PHF14: variants seen among roughly 807,000 people sequenced by gnomAD.
PHF14 encodes PHD finger protein 14.
In PHF14, 55 loss-of-function variants were observed where a neutral mutation model predicts 117.9. That is an observed-to-expected ratio of 0.47 (90% CI 0.38 to 0.58). PHF14 has a LOEUF of 0.58. Among genes scored for constraint, PHF14 ranks in the 20% least tolerant of loss-of-function variants. The probability of loss-of-function intolerance (pLI) is 0.00; values close to 1 mark genes in which losing one functional copy is unlikely to be tolerated. For missense variants in PHF14, 978 were observed against 1,122.2 expected (o/e 0.87, Z 1.84); for synonymous variants, 409 against 368.6 (o/e 1.11, Z -1.26).
chr7:11,088,097 A>C (rs1297826113), intron 16 of PHF14, among the ~76,000 whole-genome samples: 1 of 152,152 alleles, frequency 6.6e-6, no homozygotes, highest in Non-Finnish European at 1.5e-5. Context: ...CGGATATCAA[A>C]ATCTGAAGAT....
intron 3 of PHF14, among the ~76,000 whole-genome samples, chr7:10,985,802 GC>G (rs1247982294): frequency 6.6e-6 from 1 of 151,606 alleles, no homozygotes; most frequent in East Asian, 1.9e-4. Flanking sequence ...ACAGGTGCAT[GC>G]CACCATGCCC....
chr7:10,992,390 C>T (rs981326397), intron 4 of PHF14, among the ~76,000 whole-genome samples: 6 of 150,850 alleles, frequency 4.0e-5, no homozygotes, highest in East Asian at 4.1e-4. Context: ...GGGCCGGGTG[C>T]AGTGGCTCAC....
In PHF14 at chr7:10,982,796, G is replaced by A; in HGVS notation, c.537G>A (p.Glu179=). The part of the protein sequence containing the change: ...TTTATEEQVS[E]PKKWNLRRNR... ...CCGCTACAGAGGAACAAGTCAGCGA[G>A]CCAAAAAAATGGAACCTTCGACGAA... Residue 179 remains glutamate, a synonymous_variant, in exon 3 of 18, where the codon GAG becomes GAA. Coordinates refer to ENST00000634607, the MANE Select transcript of PHF14 (RefSeq NM_001007157.2). The A allele has an allele frequency of 1.2e-6, 2 of 1,613,900 alleles. No homozygotes were observed. The highest frequency in any genetic ancestry group is 1.7e-6 in the Non-Finnish European group (2 of 1,179,862).
In PHF14 at chr7:11,152,580, C is replaced by T. The variant is rs192087156; in HGVS notation, c.2773-16836C>T. Among the ~76,000 whole-genome samples, 9 of 152,238 alleles carry T rather than the reference C, an allele frequency of 5.9e-5. No individual in the cohort carries two copies. The East Asian group carries it at 1.7e-3, about 29-fold the overall frequency. ...AGGAATTCATTCATATATCCAATAA[C>T]TATTCATAAGAACTATTCATTGAAA... On this transcript the variant is annotated intron_variant, in intron 17 of 17. Transcript: ENST00000634607.
At chr7:11,019,129 G>A (rs530073603) in intron 5 of PHF14, among the ~76,000 whole-genome samples, 4 of 152,110 alleles carry the variant, frequency 2.6e-5, no homozygotes, top group South Asian at 2.1e-4. Context: ...TGTTAAATTC[G>A]GTTTGCTGGT....
In PHF14 at chr7:11,122,352, TACACACACACAC is replaced by T. The variant is rs747467173; in HGVS notation, c.2772+10907_2772+10918del. On this transcript the variant is annotated intron_variant, in intron 17 of 17. Coordinates refer to ENST00000634607, the MANE Select transcript of PHF14 (RefSeq NM_001007157.2). ...CTTTTTATATATATATATATATATA[TACACACACACAC>T]ACACACACACACACACACACATACA... Among the ~76,000 whole-genome samples, 995 of 65,874 alleles carry T rather than the reference TACACACACACAC, an allele frequency of 0.015. 90 individuals are homozygous for T. The East Asian group carries it at 0.23, about 15-fold the overall frequency. The allele number at this position is 65,874 out of a possible 152,430, so 43.2% of individuals were successfully genotyped here. A position where few individuals can be genotyped will look rare whatever the true frequency, so the allele number is the denominator to read the frequency against.
At chr7:11,084,144 T>C (rs1475381007) in intron 16 of PHF14, among the ~76,000 whole-genome samples, 6 of 152,170 alleles carry the variant, frequency 3.9e-5, no homozygotes, top group Admixed American at 3.3e-4. Flanking sequence ...TTTACAACCA[T>C]TACTATTTGT....
chr7:10,982,638 A>C lies in PHF14; in HGVS notation c.379A>C (p.Lys127Gln). 3 of 1,549,066 alleles carry C rather than the reference A, an allele frequency of 1.9e-6. No homozygotes were observed. Among genetic ancestry groups the C allele is most frequent in the Non-Finnish European group, 2.6e-6 (3 of 1,143,342 alleles). The change falls in exon 3 of 18, where the codon AAA becomes CAA. Residue 127 changes from lysine to glutamine, a missense_variant. Coordinates refer to ENST00000634607, the MANE Select transcript of PHF14 (RefSeq NM_001007157.2). ...GAAGGAAAAAGAAAAGGAAAAGGAG[A>C]AAGAGAAGGAAAGAGAGAAGGAAAA... Reference protein sequence around the residue: ...KEKEKEKEKEKEKEREKEKEK... With the variant: ...KEKEKEKEKEQEKEREKEKEK...
chr7:11,019,077 A>G (rs1280573136), intron 5 of PHF14, among the ~76,000 whole-genome samples: 1 of 152,154 alleles, frequency 6.6e-6, no homozygotes, highest in Admixed American at 6.6e-5. Flanking sequence ...CTTGCAACCC[A>G]GGGATAAATC....
At chr7:11,080,453 A>G (rs1441265727) in intron 16 of PHF14, among the ~76,000 whole-genome samples, 2 of 152,126 alleles carry the variant, frequency 1.3e-5, no homozygotes, top group African/African-American at 4.8e-5. Flanking sequence ...GAAGTTTCTC[A>G]GTCAGTATGG....
intron 4 of PHF14, among the ~76,000 whole-genome samples, chr7:11,003,412 A>G (rs73063418): frequency 0.049 from 7,458 of 152,294 alleles, 242 homozygotes; most frequent in Non-Finnish European, 0.078. Context: ...CATAGGTGTT[A>G]AGCCAGTGTT....
chr7:11,005,743 A>G (rs1327128740), intron 4 of PHF14, among the ~76,000 whole-genome samples: 1 of 148,450 alleles, frequency 6.7e-6, no homozygotes, highest in African/African-American at 2.5e-5. Context: ...CCATGTATAT[A>G]TATGTAATAA....
intron 14 of PHF14, among the ~76,000 whole-genome samples, chr7:11,056,911 A>G (rs1238386981): frequency 6.6e-6 from 1 of 151,530 alleles, no homozygotes; most frequent in Non-Finnish European, 1.5e-5. Context: ...GCATAAATCT[A>G]ATGCTATTTA....
At position 11,102,656 on chromosome 7, in the gene PHF14, C is replaced by T. The variant is rs1787131380; in HGVS notation, c.2655-8694C>T. 2.0e-6 allele frequency: 3 copies of T among 1,487,526 alleles called. No homozygotes were observed. In the Admixed American group the frequency reaches 6.4e-5, roughly 32 times the overall value. The allele number at this position is 1,487,526 out of a possible 1,614,324, so 92.1% of individuals were successfully genotyped here. On this transcript the variant is annotated intron_variant, in intron 16 of 17. Coordinates refer to ENST00000634607, the MANE Select transcript of PHF14 (RefSeq NM_001007157.2). ...ATAAGCTTGTCACTGCAAAAAGTTG[C>T]CTTTTGCTTGTCAGGTTTGGATAGA...
chr7:11,155,607 A>C (rs759129860), intron 17 of PHF14, among the ~76,000 whole-genome samples: 55 of 152,078 alleles, frequency 3.6e-4, no homozygotes, highest in Non-Finnish European at 6.3e-4. Flanking sequence ...ACTTTGCTGA[A>C]ATTTTTAGAT....
chr7:11,083,055 T>C (rs1403486104), intron 16 of PHF14, among the ~76,000 whole-genome samples: 3 of 152,190 alleles, frequency 2.0e-5, no homozygotes, highest in African/African-American at 4.8e-5. Flanking sequence ...CTCTCCCTTA[T>C]GTGCACACCT....
rs114731177 is a variant in PHF14 at position 11,077,937 on chromosome 7, C to T, written c.2654+15852C>T. On this transcript the variant is annotated intron_variant, in intron 16 of 17. Coordinates refer to ENST00000634607, the MANE Select transcript of PHF14 (RefSeq NM_001007157.2). ...ACCATTAAGTTGCTTCTCTCTTCAG[C>T]GTGCATGAAACTGAGGCTTAAATTT... Among the ~76,000 whole-genome samples, 969 of 152,258 alleles carry T rather than the reference C, an allele frequency of 6.4e-3. 5 individuals carry two copies. The highest frequency in any genetic ancestry group is 0.022 in the African/African-American group (896 of 41,564).
rs183330468 is a variant in PHF14 at position 10,997,629 on chromosome 7, G to T, written c.1045+6782G>T. Reference sequence around the variant, plus strand: ...ATAGCCTGGGCTGTAGTCATTTTAAGATTTGGCTGGACCTGGAGGATTTGC... The same window carrying T: ...ATAGCCTGGGCTGTAGTCATTTTAATATTTGGCTGGACCTGGAGGATTTGC... On this transcript the variant is annotated intron_variant, in intron 4 of 17. Coordinates refer to ENST00000634607, the MANE Select transcript of PHF14 (RefSeq NM_001007157.2). Among the ~76,000 whole-genome samples the T allele has an allele frequency of 9.7e-4, 148 of 152,364 alleles. 1 individual carries two copies. The highest frequency in any genetic ancestry group is 3.2e-3 in the African/African-American group (132 of 41,590).
At chr7:11,105,964 A>G in intron 16 of PHF14, 1 of 984,938 alleles carries the variant, frequency 1.0e-6, no homozygotes, top group Non-Finnish European at 1.2e-6. Flanking sequence ...GCTTGAGCTC[A>G]GCAGGTTGTA....
Sources: gnomAD v4.1 joint callset for allele counts (sites outside exome capture counted in the v4.1 genomes callset) on GRCh38, gnomAD v4.1.1 for gene constraint, MANE v1.5 for transcripts, NCBI Gene and HGNC (gene_info 2026-07-23, HGNC 2026-07-21) for gene names.